PCDH15: variants seen among roughly 807,000 people sequenced by gnomAD.
PCDH15 encodes protocadherin related 15, also known as protocadherin-15.
PCDH15 carries 129 observed loss-of-function variants against 178.5 expected under a neutral mutation model. The observed-to-expected ratio is 0.72, with a 90% CI of 0.63 to 0.84. The LOEUF (loss-of-function observed/expected upper bound fraction) is 0.84. Ranked by LOEUF, PCDH15 falls within the 40% of genes least tolerant of loss-of-function variation. The pLI, the probability that PCDH15 is intolerant of heterozygous loss-of-function variation, is 0.00. For synonymous variants in PCDH15, 800 were observed against 732.0 expected, an observed-to-expected ratio of 1.09 and a Z score of -1.50; for missense variants, 2,230 against 2,099.9, an observed-to-expected ratio of 1.06 and a Z score of -1.21.
At chr10:55,013,529 T>C (rs6415922) in intron 2 of PCDH15, among the ~76,000 whole-genome samples, 121,414 of 151,982 alleles carry the variant, frequency 0.8, 48,770 homozygotes, top group African/African-American at 0.87. Flanking sequence ...ATATCAGCAA[T>C]CCTCCTCCCA....
At chr10:53,826,107 T>C (rs1425520280) in intron 32 of PCDH15, among the ~76,000 whole-genome samples, 1 of 151,696 alleles carries the variant, frequency 6.6e-6, no homozygotes, top group African/African-American at 2.4e-5. Flanking sequence ...TAGAATCAAA[T>C]CATATTGGCT....
At chr10:54,855,990 A>T (rs1176989712) in intron 3 of PCDH15, among the ~76,000 whole-genome samples, 1 of 152,208 alleles carries the variant, frequency 6.6e-6, no homozygotes. Context: ...TAGGCAAATA[A>T]ACTGTTTGAG....
At position 54,026,865 on chromosome 10, in the gene PCDH15, C is replaced by T. The variant is rs906320630; in HGVS notation, c.2221-3668G>A. Reference sequence around the variant, plus strand: ...ATGGGCAAAAACTGGAAGCATTCCCCTTGAAAACTGGCACAAGACAGGGAT... The same window carrying T: ...ATGGGCAAAAACTGGAAGCATTCCCTTTGAAAACTGGCACAAGACAGGGAT... On this transcript the variant is annotated intron_variant, in intron 18 of 37. Coordinates refer to ENST00000644397, the MANE Select transcript of PCDH15 (RefSeq NM_001384140.1). Among the ~76,000 whole-genome samples the T allele has an allele frequency of 3.4e-4, 52 of 151,998 alleles. 1 individual carries two copies. The South Asian group carries it at 7.5e-3, about 22-fold the overall frequency.
chr10:54,583,094 A>AT (rs2091181720), intron 2 of PCDH15, among the ~76,000 whole-genome samples: 3 of 152,032 alleles, frequency 2.0e-5, no homozygotes. Context: ...ACTATCCTGA[A>AT]TTTTGCGTTA....
In PCDH15 at chr10:55,183,899, A is replaced by T. The variant is rs1839722368; in HGVS notation, c.-155-17248T>A. On this transcript the variant is annotated intron_variant, in intron 1 of 5. Transcript: ENST00000458638. ...AAATTATTATTAATAATTACATTTA[A>T]AAAGGTTAGAGTTATTTTGGCAATC... Among the ~76,000 whole-genome samples the T allele has an allele frequency of 2.0e-5, 3 of 151,936 alleles. No individual in the cohort carries two copies. In the South Asian group the frequency reaches 6.2e-4, roughly 32 times the overall value.
At position 54,664,263 on chromosome 10, in the gene PCDH15, C is replaced by T. The variant is rs573389436; in HGVS notation, c.-1G>A. ...TCCAGAGATAAAACTGTCGAAACAT[C>T]TTCTGTCAAAGTTCACTCAAAGCTG... On this transcript the variant is annotated 5_prime_UTR_variant, in exon 2 of 38. Transcript: ENST00000644397. 5.6e-6 allele frequency: 9 copies of T among 1,609,516 alleles called. No individual in the cohort carries two copies. The highest frequency in any genetic ancestry group is 7.6e-6 in the Non-Finnish European group (9 of 1,177,036).
chr10:54,822,328 C>G (rs181986255), intron 3 of PCDH15, among the ~76,000 whole-genome samples: 138 of 152,252 alleles, frequency 9.1e-4, no homozygotes, highest in Admixed American at 1.8e-3. Flanking sequence ...CACCACTCTA[C>G]TCTCTGCCTC....
Position 55,352,324 on chromosome 10 carries a change from G to T in PCDH15, c.-155-185673C>A, listed in dbSNP as rs115626314. 5.2e-3 allele frequency among the ~76,000 whole-genome samples: 786 copies of T among 152,158 alleles called. 11 individuals carry two copies. Among genetic ancestry groups the T allele is most frequent in the African/African-American group, 0.018 (740 of 41,520 alleles). On this transcript the variant is annotated intron_variant, in intron 2 of 5. Transcript: ENST00000613346. ...AAATTTGAGTGATTTTCTTATTCGAGTTCAAAAACGGGTTGTAAAGCAGCA... is the reference window on the plus strand; with the variant it reads ...AAATTTGAGTGATTTTCTTATTCGATTTCAAAAACGGGTTGTAAAGCAGCA...
chr10:55,081,646 G>A (rs530560799), intron 2 of PCDH15, among the ~76,000 whole-genome samples: 11 of 152,174 alleles, frequency 7.2e-5, no homozygotes, highest in South Asian at 4.2e-4. Flanking sequence ...TTGCCCTTTC[G>A]CTATGTGAGT....
In PCDH15 at chr10:55,179,553, C is replaced by T. The variant is rs114489752; in HGVS notation, c.-155-12902G>A. Among the ~76,000 whole-genome samples the T allele has an allele frequency of 8.0e-3, 893 of 111,160 alleles. 9 individuals are homozygous for T. The highest frequency in any genetic ancestry group is 0.026 in the African/African-American group (866 of 32,748). The allele number at this position is 111,160 out of a possible 152,430, so 72.9% of individuals were successfully genotyped here. ...TGGACAATTCAGCACACACTCCCCC[C>T]CATTCTAAGCCCATAGAAACCTGGA... On this transcript the variant is annotated intron_variant, in intron 1 of 5. Transcript: ENST00000458638.
chr10:55,222,730 CATATATATATATATATATATATAT>C (rs142618720), intron 1 of PCDH15, among the ~76,000 whole-genome samples: 1 of 121,266 alleles, frequency 8.2e-6, no homozygotes, highest in East Asian at 2.4e-4. Context: ...CACACACACA[CATATATATATATATATATATATAT>C]ATATATATAT....
At chr10:55,361,538 T>C (rs1845229991) in intron 2 of PCDH15, among the ~76,000 whole-genome samples, 1 of 151,990 alleles carries the variant, frequency 6.6e-6, no homozygotes, top group African/African-American at 2.4e-5. Context: ...TTTGATTTGA[T>C]TTAAAAAGTT....
rs562969689 is a variant in PCDH15, at chr10:54,026,189, G to A, written c.2221-2992C>T. On this transcript the variant is annotated intron_variant, in intron 18 of 37. Coordinates refer to ENST00000644397, the MANE Select transcript of PCDH15 (RefSeq NM_001384140.1). The stretch of plus-strand genomic sequence containing the variant: ...GCTCAAGCAATCCTCCCACCTCAGC[G>A]TCCTGCGCAGCTGGCACTACAAGCA... Among the ~76,000 whole-genome samples the A allele has an allele frequency of 4.3e-4, 65 of 151,540 alleles. 1 individual carries two copies. Among genetic ancestry groups the A allele is most frequent in the Middle Eastern group, 3.4e-3 (1 of 294 alleles).
chr10:55,235,783 T>G (rs771959804), intron 1 of PCDH15, among the ~76,000 whole-genome samples: 2 of 151,848 alleles, frequency 1.3e-5, no homozygotes, highest in Non-Finnish European at 2.9e-5. Context: ...GGCATGTACC[T>G]GTAGTCCCAG....
rs56223852 is a variant in PCDH15 at position 55,012,196 on chromosome 10, C to T, written c.-79-114696G>A. On this transcript the variant is annotated intron_variant, in intron 2 of 5. Coordinates refer to the PCDH15 transcript ENST00000458638. The stretch of plus-strand genomic sequence containing the variant: ...CTATTTTGTTTCTTGCTTTATTATT[C>T]ATAGATATCAAGGTTATGCTTGCAG... 5.2e-3 allele frequency among the ~76,000 whole-genome samples: 787 copies of T among 152,010 alleles called. 4 individuals carry two copies. Among genetic ancestry groups the T allele is most frequent in the African/African-American group, 0.018 (757 of 41,498 alleles).
At chr10:55,167,016 A>T (rs1277887519) in intron 1 of PCDH15, among the ~76,000 whole-genome samples, 4 of 152,208 alleles carry the variant, frequency 2.6e-5, no homozygotes, top group Admixed American at 6.6e-5. Context: ...TCCTTAAATG[A>T]CACTTCAAAT....
intron 14 of PCDH15, among the ~76,000 whole-genome samples, chr10:54,142,980 C>T (rs1041519091): frequency 2.6e-5 from 4 of 152,046 alleles, no homozygotes; most frequent in Admixed American, 1.3e-4. Flanking sequence ...TTTGTGATAT[C>T]GAGTGTCTTA....
At chr10:55,317,402 C>G (rs1211763097) in intron 1 of PCDH15, among the ~76,000 whole-genome samples, 1 of 152,106 alleles carries the variant, frequency 6.6e-6, no homozygotes, top group African/African-American at 2.4e-5. Flanking sequence ...GTACACTATT[C>G]TTTCCCATGT....
chr10:55,606,994 C>G (rs1162878002), intron 2 of PCDH15, among the ~76,000 whole-genome samples: 1 of 151,632 alleles, frequency 6.6e-6, no homozygotes, highest in Non-Finnish European at 1.5e-5. Context: ...TCACAACCTA[C>G]TCATCTGACG....
Sources: gnomAD v4.1 joint callset for allele counts (sites outside exome capture counted in the v4.1 genomes callset) on GRCh38, gnomAD v4.1.1 for gene constraint, MANE v1.5 for transcripts, NCBI Gene and HGNC (gene_info 2026-07-23, HGNC 2026-07-21) for gene names.